Variants in ANO2 observed in about 807,000 individuals in gnomAD.
The protein encoded by ANO2 is anoctamin 2, also known as anoctamin-2.
In ANO2, 101 loss-of-function variants were observed where a neutral mutation model predicts 124.2. The ratio of observed to expected loss-of-function variants is 0.81; its 90% CI spans 0.69 to 0.96. ANO2 has a LOEUF of 0.96. Among genes scored for constraint, ANO2 ranks in the 40% least tolerant of loss-of-function variants. ANO2 has a pLI of 0.00. For missense variants in ANO2, 1,293 were observed against 1,274.5 expected, an observed-to-expected ratio of 1.01 and a Z score of -0.22; for synonymous variants, 486 against 482.5, an observed-to-expected ratio of 1.01 and a Z score of -0.09.
chr12:5,605,472 T>C (rs937205245), intron 19 of ANO2, among the ~76,000 whole-genome samples: 3 of 152,244 alleles, frequency 2.0e-5, no homozygotes, highest in African/African-American at 7.2e-5. Context: ...CGAGACATTT[T>C]GACCGTGGCA....
At chr12:5,809,502 C>T (rs1953317057) in intron 7 of ANO2, among the ~76,000 whole-genome samples, 1 of 152,102 alleles carries the variant, frequency 6.6e-6, no homozygotes, top group Admixed American at 6.5e-5. Flanking sequence ...GTGGAAAAGT[C>T]CAGCAGTTGT....
chr12:5,656,393 G>A (rs1947155492), intron 14 of ANO2, among the ~76,000 whole-genome samples: 1 of 152,144 alleles, frequency 6.6e-6, no homozygotes, highest in African/African-American at 2.4e-5. Flanking sequence ...CACGTGAACT[G>A]AACCATGACC....
chr12:5,602,678 C>T (rs989673436), intron 19 of ANO2, among the ~76,000 whole-genome samples: 3 of 152,048 alleles, frequency 2.0e-5, no homozygotes, highest in Non-Finnish European at 4.4e-5. Context: ...AGGACCCACT[C>T]AGCATAATGG....
chr12:5,873,196 G>GCTCTCTCTCTCGCT (rs1937828675), intron 3 of ANO2, among the ~76,000 whole-genome samples: 1 of 118,934 alleles, frequency 8.4e-6, no homozygotes, highest in Non-Finnish European at 1.7e-5. Context: ...GCCTAAAGCA[G>GCTCTCTCTCTCGCT]CTCTCTCTCT....
chr12:5,699,001 A>T (rs1160665151), intron 14 of ANO2, among the ~76,000 whole-genome samples: 1 of 152,250 alleles, frequency 6.6e-6, no homozygotes, highest in Non-Finnish European at 1.5e-5. Flanking sequence ...GAATGGAACC[A>T]AGCTGGAAAA....
At chr12:5,859,449 G>T (rs1202888229) in intron 3 of ANO2, among the ~76,000 whole-genome samples, 2 of 152,160 alleles carry the variant, frequency 1.3e-5, no homozygotes, top group Non-Finnish European at 2.9e-5. Flanking sequence ...ATCAGGGAGA[G>T]TTACCCAAGA....
chr12:5,796,214 C>T (rs1267297777), intron 10 of ANO2, among the ~76,000 whole-genome samples: 1 of 151,472 alleles, frequency 6.6e-6, no homozygotes, highest in Non-Finnish European at 1.5e-5. Context: ...CACACTCTCA[C>T]ACTGACACAC....
intron 14 of ANO2, among the ~76,000 whole-genome samples, chr12:5,705,898 C>T (rs1028180195): frequency 6.6e-6 from 1 of 152,188 alleles, no homozygotes; most frequent in African/African-American, 2.4e-5. Flanking sequence ...TGGTTCTTTC[C>T]AAAAGCCAAA....
chr12:5,942,236 A>G (rs1942925650), intron 1 of ANO2, among the ~76,000 whole-genome samples: 1 of 152,238 alleles, frequency 6.6e-6, no homozygotes, highest in Non-Finnish European at 1.5e-5. Context: ...GTTATGATAT[A>G]AATTTCATGG....
chr12:5,881,264 A>C (rs1372327297), intron 3 of ANO2, among the ~76,000 whole-genome samples: 1 of 152,180 alleles, frequency 6.6e-6, no homozygotes, highest in Non-Finnish European at 1.5e-5. Context: ...TAATCTAAAG[A>C]AACCCACATA....
rs140939171 is a variant in ANO2, at chr12:5,775,893, T to C, written c.1055+23614A>G. On this transcript the variant is annotated intron_variant, in intron 10 of 24. Coordinates refer to ENST00000682330, the MANE Select transcript of ANO2 (RefSeq NM_001364791.2). ...TTGCTGTGCTGACAGTAAAGGGCAG[T>C]AGTAAACAGAGGAGTGTGGGTTAAA... 1.3e-3 allele frequency among the ~76,000 whole-genome samples: 199 copies of C among 152,228 alleles called. 2 individuals carry two copies. Among genetic ancestry groups the C allele is most frequent in the African/African-American group, 4.5e-3 (185 of 41,520 alleles).
At position 5,902,454 on chromosome 12, in the gene ANO2, G is replaced by T. The variant is rs559524559; in HGVS notation, c.534+18586C>A. The stretch of plus-strand genomic sequence containing the variant: ...AAAATTTAAAAATTAGCTAGGCATG[G>T]TGACATGTGCCTATAGTTCCAGCTA... On this transcript the variant is annotated intron_variant, in intron 3 of 24. Transcript: ENST00000682330. 8.5e-4 allele frequency among the ~76,000 whole-genome samples: 127 copies of T among 149,390 alleles called. 2 individuals are homozygous for T. The highest frequency in any genetic ancestry group is 3.1e-3 in the African/African-American group (124 of 40,444).
chr12:5,760,654 C>T (rs1332531460), intron 10 of ANO2, among the ~76,000 whole-genome samples: 1 of 152,264 alleles, frequency 6.6e-6, no homozygotes, highest in East Asian at 1.9e-4. Flanking sequence ...CCACCTACTT[C>T]TAACCTCCCT....
intron 3 of ANO2, among the ~76,000 whole-genome samples, chr12:5,864,440 G>C (rs1449053240): frequency 6.6e-6 from 1 of 152,352 alleles, no homozygotes; most frequent in East Asian, 1.9e-4. Context: ...TGGATGAACT[G>C]TGAGGAAAGA....
At chr12:5,626,435 C>T (rs1315016547) in intron 16 of ANO2, among the ~76,000 whole-genome samples, 4 of 152,120 alleles carry the variant, frequency 2.6e-5, no homozygotes, top group African/African-American at 9.7e-5. Flanking sequence ...CCATGCTGTC[C>T]AGGCCTGGAG....
chr12:5,582,263 G>A (rs936882988), intron 20 of ANO2, among the ~76,000 whole-genome samples: 5 of 152,220 alleles, frequency 3.3e-5, no homozygotes, highest in African/African-American at 1.2e-4. Context: ...TCTTTATAAA[G>A]CCTGCTGTAA....
Position 5,753,151 on chromosome 12 carries a change from T to A in ANO2, c.1056-2181A>T, listed in dbSNP as rs1951487524. The stretch of plus-strand genomic sequence containing the variant: ...AAACAGTCTGTGGTCTGTGCCTTCC[T>A]CCAAAGATGAATTTAAGGGTTTCAA... On this transcript the variant is annotated intron_variant, in intron 10 of 24. Transcript: ENST00000682330. Among the ~76,000 whole-genome samples, 6 of 152,260 alleles carry A rather than the reference T, an allele frequency of 3.9e-5. No individual in the cohort carries two copies. In the South Asian group the frequency reaches 1.2e-3, roughly 32 times the overall value.
chr12:5,939,213 C>CAAAAAAAAA (rs34787622), intron 1 of ANO2, among the ~76,000 whole-genome samples: 18 of 86,178 alleles, frequency 2.1e-4, no homozygotes, highest in East Asian at 4.1e-4. Context: ...AAGACTCCAA[C>CAAAAAAAAA]AAAAAAAAAA....
intron 1 of ANO2, among the ~76,000 whole-genome samples, chr12:5,926,364 G>A (rs573150298): frequency 1.3e-5 from 2 of 152,226 alleles, no homozygotes; most frequent in Admixed American, 6.5e-5. Flanking sequence ...GCAGCCAGGG[G>A]TCCTTACAAA....
Sources: allele counts gnomAD v4.1 joint callset (sites outside exome capture counted in the v4.1 genomes callset), GRCh38; gene constraint gnomAD v4.1.1; transcripts MANE v1.5; gene names NCBI Gene and HGNC (gene_info 2026-07-23, HGNC 2026-07-21).